Variants in TRHDE observed in about 807,000 individuals in gnomAD.
TRHDE encodes thyrotropin-releasing hormone-degrading ectoenzyme.
In TRHDE, 72 loss-of-function variants were observed where a neutral mutation model predicts 125.7. The ratio of observed to expected loss-of-function variants is 0.57; its 90% CI spans 0.47 to 0.70. The LOEUF is 0.70. Among genes scored for constraint, TRHDE ranks in the 30% least tolerant of loss-of-function variants. The pLI, the probability that TRHDE is intolerant of heterozygous loss-of-function variation, is 0.00. For synonymous variants in TRHDE, 509 were observed against 509.1 expected (o/e 1.00, Z 0.00); for missense variants, 1,110 against 1,327.1 (o/e 0.84, Z 2.54).
At chr12:72,093,397 T>C (rs1874837008) in intron 1 of TRHDE, among the ~76,000 whole-genome samples, 1 of 152,218 alleles carries the variant, frequency 6.6e-6, no homozygotes, top group Non-Finnish European at 1.5e-5. Context: ...TCAGTCATTA[T>C]TTATTTAAAT....
At chr12:72,407,241 A>G in intron 3 of TRHDE, among the ~76,000 whole-genome samples, 1 of 152,140 alleles carries the variant, frequency 6.6e-6, no homozygotes, top group East Asian at 1.9e-4. Flanking sequence ...GCTGTAGAGG[A>G]CTCATGTCTG....
At chr12:72,354,843 G>T (rs1333116792) in intron 2 of TRHDE, among the ~76,000 whole-genome samples, 1 of 151,314 alleles carries the variant, frequency 6.6e-6, no homozygotes, top group Non-Finnish European at 1.5e-5. Flanking sequence ...GTGCAAAAGT[G>T]AATCAAATAC....
rs112053513 is a variant in TRHDE, at chr12:72,665,121, G to A, written c.*1926G>A. 3.3e-5 allele frequency: 5 copies of A among 152,048 alleles called. No homozygotes were observed. Among genetic ancestry groups the A allele is most frequent in the South Asian group, 2.1e-4 (1 of 4,820 alleles). The allele number at this position is 152,048 out of a possible 1,614,324, so 9.4% of individuals were successfully genotyped here. A position where few individuals can be genotyped will look rare whatever the true frequency, so the allele number is the denominator to read the frequency against. ...ATAACAATACTAAATATCACACTGC[G>A]ATGGAGGTCCCAAATATGTGGTCTA... On this transcript the variant is annotated 3_prime_UTR_variant, in exon 19 of 19. Coordinates refer to ENST00000261180, the MANE Select transcript of TRHDE (RefSeq NM_013381.3).
At chr12:72,325,015 A>C (rs1021184410) in intron 2 of TRHDE, among the ~76,000 whole-genome samples, 1 of 152,096 alleles carries the variant, frequency 6.6e-6, no homozygotes, top group African/African-American at 2.4e-5. Context: ...TGAGCTTTTG[A>C]GCCAAAATGT....
chr12:72,209,989 G>C (rs1028539203), intron 2 of TRHDE, among the ~76,000 whole-genome samples: 1 of 152,028 alleles, frequency 6.6e-6, no homozygotes, highest in African/African-American at 2.4e-5. Flanking sequence ...GCCTAAAAAA[G>C]AATAAATGAT....
chr12:72,517,805 C>G (rs1401752763), intron 6 of TRHDE, among the ~76,000 whole-genome samples: 1 of 151,654 alleles, frequency 6.6e-6, no homozygotes, highest in African/African-American at 2.4e-5. Context: ...TCCCTCTACA[C>G]ACTGCTTTGA....
intron 7 of TRHDE, among the ~76,000 whole-genome samples, chr12:72,550,935 C>T (rs1478418271): frequency 6.6e-6 from 1 of 151,850 alleles, no homozygotes; most frequent in Non-Finnish European, 1.5e-5. Context: ...TACATTATAT[C>T]ATAAATGAGA....
At chr12:72,505,366 A>T (rs1421043602) in intron 6 of TRHDE, among the ~76,000 whole-genome samples, 1 of 152,208 alleles carries the variant, frequency 6.6e-6, no homozygotes, top group Non-Finnish European at 1.5e-5. Flanking sequence ...GTCCATAGAC[A>T]GGAAGGACTG....
In TRHDE at chr12:72,139,618, C is replaced by T. The variant is rs1592455241; in HGVS notation, n.279+33866C>T. On this transcript the variant is annotated intron_variant and non_coding_transcript_variant, in intron 2 of 4. Coordinates refer to the TRHDE transcript ENST00000548156. ...TGACACAGGTGGTAGTGATGCTGAACAGGAAAATAAAAATAGAATTCTCTG... is the reference window on the plus strand; with the variant it reads ...TGACACAGGTGGTAGTGATGCTGAATAGGAAAATAAAAATAGAATTCTCTG... Among the ~76,000 whole-genome samples, 6 of 151,486 alleles carry T rather than the reference C, an allele frequency of 4.0e-5. 1 individual carries two copies. In the South Asian group the frequency reaches 1.3e-3, roughly 32 times the overall value.
chr12:72,107,453 G>A (rs1402117246), intron 2 of TRHDE, among the ~76,000 whole-genome samples: 1 of 152,104 alleles, frequency 6.6e-6, no homozygotes, highest in African/African-American at 2.4e-5. Context: ...CACACAAAGT[G>A]AGAGATGCCT....
At chr12:72,463,666 G>C (rs529800516) in intron 3 of TRHDE, among the ~76,000 whole-genome samples, 11 of 152,314 alleles carry the variant, frequency 7.2e-5, no homozygotes, top group African/African-American at 2.6e-4. Context: ...GCTTAGAGGA[G>C]CTCAAAGCTG....
At chr12:72,481,494 T>C (rs1877171022) in intron 5 of TRHDE, among the ~76,000 whole-genome samples, 1 of 151,692 alleles carries the variant, frequency 6.6e-6, no homozygotes, top group Non-Finnish European at 1.5e-5. Flanking sequence ...ACTTTACATA[T>C]ATTAATTCAC....
intron 12 of TRHDE, among the ~76,000 whole-genome samples, chr12:72,596,665 G>A (rs1318948384): frequency 1.3e-5 from 2 of 152,130 alleles, no homozygotes; most frequent in Non-Finnish European, 2.9e-5. Flanking sequence ...GATTTAGGAT[G>A]ACCTTTGATC....
At chr12:72,649,144 T>C (rs1283861882) in intron 15 of TRHDE, among the ~76,000 whole-genome samples, 2 of 152,086 alleles carry the variant, frequency 1.3e-5, no homozygotes, top group African/African-American at 4.8e-5. Context: ...TAAAATATAT[T>C]ACAAAGCTAC....
chr12:72,097,440 A>ATTTTTTTT (rs869290442), intron 1 of TRHDE, among the ~76,000 whole-genome samples: 281 of 21,556 alleles, frequency 0.013, 5 homozygotes, highest in East Asian at 0.029. Context: ...TTCTCACTGA[A>ATTTTTTTT]TTTTTTTTTT....
At chr12:72,568,524 G>T in intron 9 of TRHDE, 44 bp from the exon 10 acceptor site, 1 of 1,433,760 alleles carries the variant, frequency 7.0e-7, no homozygotes, top group East Asian at 2.3e-5. Context: ...TTTTTGTTTC[G>T]ATATAGTTAT....
At chr12:72,233,967 C>A (rs563984444) in intron 2 of TRHDE, among the ~76,000 whole-genome samples, 39 of 152,282 alleles carry the variant, frequency 2.6e-4, no homozygotes, top group Non-Finnish European at 5.0e-4. Context: ...ATGCTCAATT[C>A]TGTGTTGTAT....
At chr12:72,429,755 G>C (rs1874362735) in intron 3 of TRHDE, among the ~76,000 whole-genome samples, 1 of 151,944 alleles carries the variant, frequency 6.6e-6, no homozygotes, top group African/African-American at 2.4e-5. Context: ...TAGTTTGATT[G>C]GCATCCGATG....
intron 3 of TRHDE, among the ~76,000 whole-genome samples, chr12:72,411,422 G>A (rs963736501): frequency 2.0e-5 from 3 of 151,150 alleles, no homozygotes; most frequent in Admixed American, 1.3e-4. Flanking sequence ...GAAGCAGTTG[G>A]GAATAAATCT....
Sources: allele counts gnomAD v4.1 joint callset (sites outside exome capture counted in the v4.1 genomes callset), GRCh38; gene constraint gnomAD v4.1.1; transcripts MANE v1.5; gene names NCBI Gene and HGNC (gene_info 2026-07-23, HGNC 2026-07-21).